The following ARRB2 variants were observed in gnomAD, a reference collection of about 807,000 sequenced individuals.
ARRB2 encodes beta-arrestin-2.
ARRB2 carries 21 observed loss-of-function variants against 53.4 expected under a neutral mutation model. That is an observed-to-expected ratio of 0.39 (90% CI 0.28 to 0.57). ARRB2 has a LOEUF of 0.57. ARRB2 is among the 20% of genes least tolerant of loss of function. The pLI, the probability that ARRB2 is intolerant of heterozygous loss-of-function variation, is 0.55. For synonymous variants in ARRB2, 180 were observed against 212.9 expected (o/e 0.85, Z 1.34); for missense variants, 369 against 527.5 (o/e 0.70, Z 2.94).
chr17:4,717,886 A>G lies in ARRB2; in HGVS notation c.486-2A>G. The stretch of plus-strand genomic sequence containing the variant: ...CCCCTCCTGCCCCTACTCTGATCCC[A>G]GGAACTCTGTGCGGCTGGTGATCCG... On this transcript the variant is annotated splice_acceptor_variant, in intron 7 of 14. Transcript: ENST00000269260. LOFTEE classifies it high-confidence loss of function. The surrounding 1 kb of genome is among the most constrained non-coding windows in gnomAD (Gnocchi z 6.0). The G allele has an allele frequency of 6.2e-7, 1 of 1,614,088 alleles. No individual in the cohort carries two copies. The highest frequency in any genetic ancestry group is 1.1e-5 in the South Asian group (1 of 91,086).
At chr17:4,712,988 ATTTATTT>A (rs1914576403) in intron 1 of ARRB2, among the ~76,000 whole-genome samples, 6 of 152,106 alleles carry the variant, frequency 3.9e-5, no homozygotes, top group South Asian at 2.1e-4. Context: ...TAATTAATTT[ATTTATTT>A]ATTTATTTTT....
At chr17:4,714,455 A>G (rs1388495084) in intron 1 of ARRB2, 1 of 172,248 alleles carries the variant, frequency 5.8e-6, no homozygotes, top group East Asian at 1.8e-4. Flanking sequence ...CACTGTGGCT[A>G]CCTGCCCATT....
intron 11 of ARRB2, 152 bp from the exon 12 acceptor site, chr17:4,720,064 C>A: frequency 1.4e-6 from 1 of 719,292 alleles, no homozygotes; most frequent in Non-Finnish European, 2.4e-6. Flanking sequence ...GAGTGCAGTG[C>A]GCACTGTACC....
Position 4,718,033 on chromosome 17 carries a change from G to A in ARRB2, c.621+10G>A, listed in dbSNP as rs548347966. 6.2e-7 allele frequency: 1 copy of A among 1,612,790 alleles called. No homozygotes were observed. The highest frequency in any genetic ancestry group is 1.3e-5 in the African/African-American group (1 of 75,066). On this transcript the variant is annotated intron_variant, in intron 8 of 14. Coordinates refer to ENST00000269260, the MANE Select transcript of ARRB2 (RefSeq NM_004313.4). The stretch of plus-strand genomic sequence containing the variant: ...TTCCCTGGACAAGGAGGTGGGGCGT[G>A]AGAGGGTGACACGGATGCCACGGTG...
In ARRB2 at chr17:4,718,002, C is replaced by G. The variant is rs531803906; in HGVS notation, c.600C>G (p.Leu200=). The change falls in exon 8 of 15, where the codon CTC becomes CTG. Residue 200 remains leucine (L), a synonymous_variant. Transcript: ENST00000269260. ...TCATGTCTGACCGGTCCCTGCACCT[C>G]GAGGCTTCCCTGGACAAGGAGGTGG... ...HFLMSDRSLH[L]EASLDKELYY... is the part of the protein sequence containing the mutation. 182 of 1,613,500 alleles carry G rather than the reference C, an allele frequency of 1.1e-4. 1 individual carries two copies. The South Asian group carries it at 1.9e-3, about 17-fold the overall frequency.
chr17:4,720,792 T>C, intron 14 of ARRB2, 152 bp downstream of exon 14: 1 of 1,064,870 alleles, frequency 9.4e-7, no homozygotes, highest in East Asian at 2.4e-5. Context: ...TGCCTCTTGC[T>C]GCCTTTTCTT....
chr17:4,718,676 C>T lies in ARRB2; in HGVS notation c.771C>T (p.Leu257=), dbSNP rs768642598. ...TAQYKCPVAQ[L]EQDDQVSPSS... is the part of the protein sequence containing the mutation. ...AGTACAAGTGTCCTGTGGCTCAACTCGAACAAGAGTGAGTATCGGGAGAGA... is the reference window on the plus strand; with the variant it reads ...AGTACAAGTGTCCTGTGGCTCAACTTGAACAAGAGTGAGTATCGGGAGAGA... The change falls in exon 10 of 15, where the codon CTC becomes CTT. Residue 257 remains leucine (L), a synonymous_variant. Coordinates refer to ENST00000269260, the MANE Select transcript of ARRB2 (RefSeq NM_004313.4). The T allele has an allele frequency of 8.1e-6, 13 of 1,613,460 alleles. No individual in the cohort carries two copies. The highest frequency in any genetic ancestry group is 1.0e-5 in the Non-Finnish European group (12 of 1,179,832).
intron 2 of ARRB2, chr17:4,715,694 G>GACACACACACACACAC (rs150787978): frequency 6.8e-6 from 3 of 443,472 alleles, no homozygotes; most frequent in Admixed American, 7.6e-5. Context: ...GTTGGCTGAG[G>GACACACACACACACAC]ACACACACAC....
chr17:4,715,901 G>A (rs1391319138), intron 2 of ARRB2, 72 bp from the exon 3 acceptor site: 2 of 1,571,186 alleles, frequency 1.3e-6, no homozygotes, highest in Non-Finnish European at 1.8e-6. Context: ...GGGCAGGGCA[G>A]CCAGTTTTGA....
intron 2 of ARRB2, chr17:4,715,305 G>T: frequency 2.0e-6 from 1 of 510,902 alleles, no homozygotes; most frequent in South Asian, 2.8e-5. Context: ...AGCAAGCCAT[G>T]TGCCTGTAGC....
Position 4,717,614 on chromosome 17 carries a change from G to A in ARRB2, c.418-71G>A. ...GAGTCCCTGCCCGAGAGGAGGGAAG[G>A]GGGAGGAAGAAAGGGCAGTGATGGT... On this transcript the variant is annotated intron_variant, in intron 6 of 14. Coordinates refer to ENST00000269260, the MANE Select transcript of ARRB2 (RefSeq NM_004313.4). This position sits in a 1 kb window ranked among gnomAD's most constrained non-coding sequence, Gnocchi z 6.0. 1.9e-6 allele frequency: 3 copies of A among 1,592,010 alleles called. No individual in the cohort carries two copies. Among genetic ancestry groups the A allele is most frequent in the Middle Eastern group, 1.9e-4 (1 of 5,254 alleles).
chr17:4,720,116 G>A, intron 11 of ARRB2, 100 bp from the exon 12 acceptor site: 1 of 1,258,040 alleles, frequency 7.9e-7, no homozygotes, highest in Non-Finnish European at 1.1e-6. Context: ...GGGGGCCTGT[G>A]CGAGTTTGTG....
At chr17:4,716,233 T>C (rs1222144226) in intron 4 of ARRB2, 42 bp downstream of exon 4, 2 of 1,612,608 alleles carry the variant, frequency 1.2e-6, no homozygotes, top group Non-Finnish European at 1.7e-6. Context: ...AAGTGGGGGC[T>C]AGGGAAGTGA....
rs368489347 is a variant in ARRB2, at chr17:4,716,438, C to T, written c.187C>T (p.Arg63Cys). ...GTTTGTGACCCTCACCTGCGCCTTC[C>T]GCTATGGCCGTGAAGACCTGGATGT... ...KVFVTLTCAF[R>C]YGREDLDVLG... The change falls in exon 5 of 15, where the codon CGC becomes TGC. Residue 63 changes from arginine (R) to cysteine (C), a missense_variant. Coordinates refer to ENST00000269260, the MANE Select transcript of ARRB2 (RefSeq NM_004313.4). 3 of 1,614,162 alleles carry T rather than the reference C, an allele frequency of 1.9e-6. No individual in the cohort carries two copies. Among genetic ancestry groups the T allele is most frequent in the Non-Finnish European group, 2.5e-6 (3 of 1,180,008 alleles).
At chr17:4,718,401 C>A in intron 9 of ARRB2, 56 bp downstream of exon 9, 1 of 1,549,660 alleles carries the variant, frequency 6.5e-7, no homozygotes, top group Non-Finnish European at 8.8e-7. Flanking sequence ...GCACAGGTGG[C>A]TCCTGGTGTG....
At position 4,718,659 on chromosome 17, in the gene ARRB2, T is replaced by C; in HGVS notation, c.754T>C (p.Cys252Arg). 3.1e-6 allele frequency: 5 copies of C among 1,613,706 alleles called. No homozygotes were observed. Among genetic ancestry groups the C allele is most frequent in the Non-Finnish European group, 4.2e-6 (5 of 1,179,924 alleles). ...CCTCTTCAGCACCGCCCAGTACAAG[T>C]GTCCTGTGGCTCAACTCGAACAAGA... ...ICLFSTAQYKCPVAQLEQDDQ... is the reference protein window; with the variant it reads ...ICLFSTAQYKRPVAQLEQDDQ... The change falls in exon 10 of 15, where the codon TGT (cysteine) becomes CGT (arginine). Residue 252 changes from cysteine to arginine, a missense_variant. Cys to Arg is a radical substitution (Grantham distance 180). Coordinates refer to ENST00000269260, the MANE Select transcript of ARRB2 (RefSeq NM_004313.4).
In ARRB2 at chr17:4,716,426, A is replaced by AC; in HGVS notation, c.177dup (p.Cys60LeufsTer8). 1 of 1,614,068 alleles carries AC rather than the reference A, an allele frequency of 6.2e-7. No individual in the cohort carries two copies. The highest frequency in any genetic ancestry group is 1.1e-5 in the South Asian group (1 of 91,078). On this transcript the variant is annotated frameshift_variant, in exon 5 of 15. Coordinates refer to ENST00000269260, the MANE Select transcript of ARRB2 (RefSeq NM_004313.4). LOFTEE classifies it high-confidence loss of function. ...TCCCTTGCCAGTGTTTGTGACCCTC[A>AC]CCTGCGCCTTCCGCTATGGCCGTGA... is the stretch of plus-strand genomic sequence containing the variant.
Position 4,720,657 on chromosome 17 carries a change from C to T in ARRB2, c.1136+17C>T, listed in dbSNP as rs931202170. 3 of 1,535,408 alleles carry T rather than the reference C, an allele frequency of 2.0e-6. No individual in the cohort carries two copies. Among genetic ancestry groups the T allele is most frequent in the Admixed American group, 2.1e-5 (1 of 47,392 alleles). On this transcript the variant is annotated intron_variant, in intron 14 of 14. Transcript: ENST00000269260. ...TGATACCAAGTAAGAAACTCATTCC[C>T]CTACTTGACCCTCTTGGGACAAAGA...
In ARRB2 at chr17:4,717,972, C is replaced by G; in HGVS notation, c.570C>G (p.His190Gln). The stretch of plus-strand genomic sequence containing the variant: ...AGCCTTCAGCCGAAACCACACGCCA[C>G]TTCCTCATGTCTGACCGGTCCCTGC... ...GPQPSAETTR[H>Q]FLMSDRSLHL... Residue 190 changes from histidine (H) to glutamine (Q), a missense_variant, in exon 8 of 15, where the codon CAC (histidine) becomes CAG (glutamine). Physicochemically the swap from His to Gln is conservative, Grantham distance 24 (BLOSUM62 0). Transcript: ENST00000269260. The surrounding 1 kb of genome is among the most constrained non-coding windows in gnomAD (Gnocchi z 6.0). 1 of 1,613,766 alleles carries G rather than the reference C, an allele frequency of 6.2e-7. No individual in the cohort carries two copies. The highest frequency in any genetic ancestry group is 8.5e-7 in the Non-Finnish European group (1 of 1,180,034).
Sources: gnomAD v4.1 joint callset for allele counts (sites outside exome capture counted in the v4.1 genomes callset) on GRCh38, gnomAD v4.1.1 for gene constraint, Gnocchi (gnomAD v3.1) non-coding constraint, MANE v1.5 for transcripts, NCBI Gene and HGNC (gene_info 2026-07-23, HGNC 2026-07-21) for gene names.